The following ATP13A4 variants were observed in gnomAD, a reference collection of about 807,000 sequenced individuals.
ATP13A4 encodes the protein ATPase 13A4.
Under a neutral mutation model 142.5 loss-of-function variants are expected in ATP13A4, and 114 were observed. That is an observed-to-expected ratio of 0.80 (90% CI 0.69 to 0.93). The LOEUF is 0.93. Among genes scored for constraint, ATP13A4 ranks in the 40% least tolerant of loss-of-function variants. ATP13A4 has a pLI of 0.00. For missense variants in ATP13A4, 1,392 were observed against 1,454.0 expected, an observed-to-expected ratio of 0.96 and a Z score of 0.69; for synonymous variants, 488 against 514.8, an observed-to-expected ratio of 0.95 and a Z score of 0.70.
At chr3:193,494,385 A>G (rs539078176) in intron 3 of ATP13A4, among the ~76,000 whole-genome samples, 50 of 152,226 alleles carry the variant, frequency 3.3e-4, no homozygotes, top group Non-Finnish European at 5.9e-4. Context: ...TAGGTCACAA[A>G]AAAGTCTTAA....
chr3:193,535,686 A>C (rs959987643), intron 1 of ATP13A4, among the ~76,000 whole-genome samples: 24 of 152,112 alleles, frequency 1.6e-4, no homozygotes, highest in African/African-American at 4.8e-4. Context: ...TAAAGATAAA[A>C]ACAGAAATCA....
intron 2 of ATP13A4, among the ~76,000 whole-genome samples, chr3:193,505,657 C>T (rs1190816879): frequency 1.3e-5 from 2 of 152,122 alleles, no homozygotes; most frequent in African/African-American, 4.8e-5. Flanking sequence ...CTAGATGACC[C>T]TTTTGCTTAG....
intron 1 of ATP13A4, among the ~76,000 whole-genome samples, chr3:193,522,079 G>A (rs993322367): frequency 1.3e-5 from 2 of 152,230 alleles, no homozygotes; most frequent in East Asian, 1.9e-4. Flanking sequence ...ACTGCCTACG[G>A]CCATTTCAGC....
intron 2 of ATP13A4, among the ~76,000 whole-genome samples, chr3:193,503,736 G>A (rs978701071): frequency 1.3e-5 from 2 of 152,148 alleles, no homozygotes; most frequent in African/African-American, 4.8e-5. Context: ...TTAGCCTGTA[G>A]TACACATTCT....
intron 26 of ATP13A4, 51 bp downstream of exon 26, chr3:193,414,528 G>GT (rs1269110542): frequency 7.5e-6 from 12 of 1,599,834 alleles, no homozygotes; most frequent in Non-Finnish European, 9.4e-6. Context: ...GCCAGAGGAT[G>GT]TTTGATAGAA....
At chr3:193,506,058 A>C (rs919190565) in intron 2 of ATP13A4, among the ~76,000 whole-genome samples, 1 of 152,190 alleles carries the variant, frequency 6.6e-6, no homozygotes, top group African/African-American at 2.4e-5. Context: ...CTCATTTTTC[A>C]TAGCATGTTG....
At chr3:193,410,638 G>A (rs1714721369) in intron 28 of ATP13A4, among the ~76,000 whole-genome samples, 2 of 152,172 alleles carry the variant, frequency 1.3e-5, no homozygotes, top group African/African-American at 4.8e-5. Flanking sequence ...AGAATTGCTT[G>A]AGCTCAGAAA....
At chr3:193,485,371 G>T (rs766424414) in intron 7 of ATP13A4, among the ~76,000 whole-genome samples, 1 of 152,146 alleles carries the variant, frequency 6.6e-6, no homozygotes, top group Non-Finnish European at 1.5e-5. Context: ...AGTGGCCTGA[G>T]GATTCCTGGG....
chr3:193,455,738 T>G (rs537086164), intron 16 of ATP13A4, among the ~76,000 whole-genome samples: 11 of 152,360 alleles, frequency 7.2e-5, no homozygotes, highest in African/African-American at 2.6e-4. Flanking sequence ...CATGCATATA[T>G]ATGTTTATTG....
chr3:193,505,153 A>T (rs979602928), intron 2 of ATP13A4, among the ~76,000 whole-genome samples: 1 of 152,116 alleles, frequency 6.6e-6, no homozygotes, highest in African/African-American at 2.4e-5. Context: ...AAGTTGTCCC[A>T]TGGTGTCTAT....
chr3:193,454,023 G>T, intron 17 of ATP13A4, 78 bp downstream of exon 17: 1 of 1,245,206 alleles, frequency 8.0e-7, no homozygotes, highest in Non-Finnish European at 1.2e-6. Flanking sequence ...GTCCATCCCA[G>T]TCTAATGCAC....
At chr3:193,512,976 A>G (rs1053980905) in intron 2 of ATP13A4, among the ~76,000 whole-genome samples, 2 of 152,150 alleles carry the variant, frequency 1.3e-5, no homozygotes, top group Non-Finnish European at 2.9e-5. Context: ...CACCAATATC[A>G]CTTGCTCTTA....
chr3:193,496,691 T>C (rs1441979215), intron 3 of ATP13A4, among the ~76,000 whole-genome samples: 1 of 152,032 alleles, frequency 6.6e-6, no homozygotes, highest in East Asian at 1.9e-4. Context: ...CTCAGGAGGC[T>C]GAGGTAGGAG....
At chr3:193,474,483 C>A (rs181018545) in intron 8 of ATP13A4, among the ~76,000 whole-genome samples, 37 of 149,856 alleles carry the variant, frequency 2.5e-4, no homozygotes, top group African/African-American at 9.2e-4. Flanking sequence ...CTGCAGTGAG[C>A]TATGACTGCA....
intron 1 of ATP13A4, among the ~76,000 whole-genome samples, chr3:193,548,060 T>C (rs926709949): frequency 9.9e-5 from 15 of 152,082 alleles, no homozygotes; most frequent in East Asian, 3.9e-4. Flanking sequence ...CATAGAAAAA[T>C]AGTATAGTAT....
intron 1 of ATP13A4, among the ~76,000 whole-genome samples, chr3:193,531,442 G>A (rs187854929): frequency 6.6e-6 from 1 of 151,378 alleles, no homozygotes; most frequent in African/African-American, 2.4e-5. Context: ...AAGGAGGGAA[G>A]GGAAGGAAAA....
intron 26 of ATP13A4, 135 bp from the exon 27 acceptor site, chr3:193,412,506 A>AAC (rs58979821): frequency 0.021 from 10,579 of 508,840 alleles, 180 homozygotes; most frequent in East Asian, 0.044. Flanking sequence ...TGCTTTGGAA[A>AAC]ACACACACAC....
chr3:193,561,485 T>A (rs1724016031), intron 2 of ATP13A4, among the ~76,000 whole-genome samples: 1 of 152,220 alleles, frequency 6.6e-6, no homozygotes, highest in African/African-American at 2.4e-5. Flanking sequence ...GATCAATCAA[T>A]GATATTTTGA....
chr3:193,409,361 GA>G (rs59331228), intron 28 of ATP13A4, among the ~76,000 whole-genome samples: 42,908 of 152,022 alleles, frequency 0.28, 7,674 homozygotes, highest in African/African-American at 0.51. Flanking sequence ...GTAATAATAA[GA>G]AAAATAATTG....
Sources: allele counts gnomAD v4.1 joint callset (sites outside exome capture counted in the v4.1 genomes callset), GRCh38; gene constraint gnomAD v4.1.1; transcripts MANE v1.5; gene names NCBI Gene and HGNC (gene_info 2026-07-23, HGNC 2026-07-21).